TTC17: variants seen among roughly 807,000 people sequenced by gnomAD.
The protein encoded by TTC17 is tetratricopeptide repeat protein 17.
Under a neutral mutation model 143.8 loss-of-function variants are expected in TTC17, and 58 were observed. The observed-to-expected ratio is 0.40, with a 90% CI of 0.33 to 0.50. TTC17 has a LOEUF of 0.50. Ranked by LOEUF, TTC17 falls within the 20% of genes least tolerant of loss-of-function variation. TTC17 has a pLI of 0.49. For missense variants in TTC17, 1,273 were observed against 1,392.5 expected (o/e 0.91, Z 1.37); for synonymous variants, 501 against 497.8 (o/e 1.01, Z -0.09).
At chr11:43,375,088 T>C (rs1237452774) in intron 1 of TTC17, among the ~76,000 whole-genome samples, 4 of 152,244 alleles carry the variant, frequency 2.6e-5, no homozygotes, top group Admixed American at 6.5e-5. Context: ...ACTCAAATAG[T>C]ATAACAAGGA....
At position 43,490,349 on chromosome 11, in the gene TTC17, C is replaced by G; in HGVS notation, c.3141C>G (p.His1047Gln). Reference protein sequence around the residue: ...CLRQALHYAPHQMKDVPLISL... With the variant: ...CLRQALHYAPQQMKDVPLISL... ...GCCAGGCTCTGCACTATGCGCCACA[C>G]CAGATGAAGGTGAGTGGGACTCAGA... The change falls in exon 22 of 24, where the codon CAC becomes CAG. Residue 1047 changes from histidine to glutamine, a missense_variant. Around this residue, in one of 3 missense-constraint regions of TTC17, gnomAD observed 878 missense variants for 899.8 expected, o/e 0.98. Transcript: ENST00000039989. The G allele has an allele frequency of 1.2e-6, 2 of 1,603,622 alleles. No homozygotes were observed. The highest frequency in any genetic ancestry group is 1.7e-6 in the Non-Finnish European group (2 of 1,173,308).
rs567764732 is a variant in TTC17, at chr11:43,392,187, C to T, written c.663+235C>T. Among the ~76,000 whole-genome samples the T allele has an allele frequency of 2.6e-5, 4 of 152,146 alleles. No homozygotes were observed. The South Asian group carries it at 8.3e-4, about 32-fold the overall frequency. On this transcript the variant is annotated intron_variant, in intron 5 of 23. Transcript: ENST00000039989. ...AAGTTTTATCTAAACTGATGAAAAA[C>T]GAAATATAAACTGACATAAGCAACA...
At chr11:43,451,844 A>G (rs774755033) in intron 21 of TTC17, among the ~76,000 whole-genome samples, 1 of 152,178 alleles carries the variant, frequency 6.6e-6, no homozygotes, top group Non-Finnish European at 1.5e-5. Context: ...AATATTAAAG[A>G]GCTAATTTAA....
At chr11:43,426,714 C>G (rs1385323011) in intron 16 of TTC17, among the ~76,000 whole-genome samples, 1 of 152,154 alleles carries the variant, frequency 6.6e-6, no homozygotes, top group African/African-American at 2.4e-5. Flanking sequence ...AAATCTTGAT[C>G]AATTATGGAA....
chr11:43,493,317 G>A (rs372333635), intron 23 of TTC17, among the ~76,000 whole-genome samples: 36 of 152,256 alleles, frequency 2.4e-4, no homozygotes, highest in African/African-American at 7.7e-4. Context: ...CTTAGTTTCC[G>A]TCTTTCCAGC....
chr11:43,407,420 C>T lies in TTC17; in HGVS notation c.1907C>T (p.Thr636Ile). 6.2e-7 allele frequency: 1 copy of T among 1,614,014 alleles called. No homozygotes were observed. The highest frequency in any genetic ancestry group is 1.1e-5 in the South Asian group (1 of 91,072). ...TACTGGAGAGCAGTAGGAAATAGCA[C>T]TTTTGCTATTGCCTGTCTTCAGAGG... is the stretch of plus-strand genomic sequence containing the variant. ...GLYWRAVGNS[T>I]FAIACLQRAL... Residue 636 changes from threonine (T) to isoleucine (I), a missense_variant, in exon 15 of 24, where the codon ACT becomes ATT. By Grantham distance (89) the Thr-to-Ile change is moderately conservative. Transcript: ENST00000039989.
At chr11:43,419,363 C>T (rs1946847750) in intron 16 of TTC17, among the ~76,000 whole-genome samples, 1 of 152,194 alleles carries the variant, frequency 6.6e-6, no homozygotes, top group African/African-American at 2.4e-5. Flanking sequence ...ATCTTGTCTT[C>T]ACAGTGTTTC....
chr11:43,414,455 T>A (rs1273139278), intron 15 of TTC17, 135 bp from the exon 16 acceptor site: 2 of 839,600 alleles, frequency 2.4e-6, no homozygotes, highest in African/African-American at 3.4e-5. Flanking sequence ...TTGGCTGGTA[T>A]GAATAAAATG....
chr11:43,456,405 C>G (rs1396121867), intron 21 of TTC17, among the ~76,000 whole-genome samples: 1 of 152,066 alleles, frequency 6.6e-6, no homozygotes, highest in Non-Finnish European at 1.5e-5. Flanking sequence ...CCAAAAGAAT[C>G]CATGGAAAAG....
chr11:43,460,332 A>G (rs557940773), intron 21 of TTC17, among the ~76,000 whole-genome samples: 3 of 152,272 alleles, frequency 2.0e-5, no homozygotes, highest in African/African-American at 4.8e-5. Context: ...AGCCAGATCT[A>G]TAACTTCAAT....
chr11:43,405,417 T>A (rs1449917020), intron 11 of TTC17, 97 bp from the exon 12 acceptor site: 1 of 865,988 alleles, frequency 1.2e-6, no homozygotes, highest in East Asian at 2.5e-5. Context: ...TATTATAGTT[T>A]TGTTCAATTA....
Position 43,407,561 on chromosome 11 carries a change from C to G in TTC17, c.2048C>G (p.Ala683Gly), listed in dbSNP as rs1295807897. ...DATKLLLQAL[A>G]INSSEPLTFL... ...ACTAAGCTGCTACTTCAAGCTTTGG[C>G]CATCAATAGCTCTGAGGTGAGGTTT... Residue 683 changes from alanine (A) to glycine (G), a missense_variant, in exon 15 of 24, where the codon GCC becomes GGC. Around this residue, in one of 3 missense-constraint regions of TTC17, gnomAD observed 878 missense variants for 899.8 expected, o/e 0.98. Coordinates refer to ENST00000039989, the MANE Select transcript of TTC17 (RefSeq NM_018259.6). The G allele has an allele frequency of 6.2e-7, 1 of 1,613,788 alleles. No individual in the cohort carries two copies. Among genetic ancestry groups the G allele is most frequent in the Non-Finnish European group, 8.5e-7 (1 of 1,179,924 alleles).
rs557542176 is a variant in TTC17 at position 43,457,253 on chromosome 11, T to C, written c.3030+5988T>C. On this transcript the variant is annotated intron_variant, in intron 21 of 23. Coordinates refer to ENST00000039989, the MANE Select transcript of TTC17 (RefSeq NM_018259.6). ...GAGGAACAGGAATGACCCAGACAGA[T>C]TGAGTCTTGCCAAACTGTATGCCCC... 2.2e-3 allele frequency among the ~76,000 whole-genome samples: 329 copies of C among 152,086 alleles called. 2 individuals are homozygous for C. The highest frequency in any genetic ancestry group is 7.5e-3 in the African/African-American group (312 of 41,518).
chr11:43,436,283 G>A (rs181885854), intron 16 of TTC17: 3 of 1,365,122 alleles, frequency 2.2e-6, no homozygotes, highest in Admixed American at 3.0e-5. Flanking sequence ...GGAGGACCCT[G>A]TATTCTCTGT....
At chr11:43,388,278 T>TA (rs2134515035) in intron 2 of TTC17, among the ~76,000 whole-genome samples, 1 of 152,290 alleles carries the variant, frequency 6.6e-6, no homozygotes, top group Non-Finnish European at 1.5e-5. Flanking sequence ...CTCAAAAACA[T>TA]ACATACTTTT....
chr11:43,485,123 A>G (rs1159932488), intron 21 of TTC17, among the ~76,000 whole-genome samples: 1 of 152,030 alleles, frequency 6.6e-6, no homozygotes, highest in African/African-American at 2.4e-5. Context: ...AATGTAATGC[A>G]CTCGAATCAT....
chr11:43,417,974 A>G (rs370543292), intron 16 of TTC17, among the ~76,000 whole-genome samples: 7 of 152,256 alleles, frequency 4.6e-5, no homozygotes, highest in South Asian at 2.1e-4. Context: ...GTTATTTTTC[A>G]TATATAATCA....
At chr11:43,476,473 TG>T (rs1457200435) in intron 21 of TTC17, among the ~76,000 whole-genome samples, 1 of 152,206 alleles carries the variant, frequency 6.6e-6, no homozygotes, top group Admixed American at 6.5e-5. Context: ...TACCTGAAAC[TG>T]GGAGCAAAAA....
intron 1 of TTC17, 87 bp from the exon 2 acceptor site, chr11:43,379,146 C>A: frequency 8.2e-7 from 1 of 1,218,462 alleles, no homozygotes; most frequent in Non-Finnish European, 1.2e-6. Flanking sequence ...GGCGAATGAA[C>A]AATAATTTAA....
Sources: gnomAD v4.1 joint callset for allele counts (sites outside exome capture counted in the v4.1 genomes callset) on GRCh38, gnomAD v4.1.1 for gene constraint, gnomAD v4.1.1 regional missense constraint, MANE v1.5 for transcripts, NCBI Gene and HGNC (gene_info 2026-07-23, HGNC 2026-07-21) for gene names.